The following TTC7B variants were observed in gnomAD, a reference collection of about 807,000 sequenced individuals.
The protein encoded by TTC7B is tetratricopeptide repeat protein 7B.
Under a neutral mutation model 106.8 loss-of-function variants are expected in TTC7B, and 28 were observed. That is an observed-to-expected ratio of 0.26 (90% confidence interval 0.19 to 0.36). The LOEUF is 0.36. TTC7B is among the 10% of genes least tolerant of loss of function. The pLI is 1.00. For synonymous variants in TTC7B, 405 were observed against 430.6 expected, an observed-to-expected ratio of 0.94 and a Z score of 0.74; for missense variants, 862 against 1,076.4, an observed-to-expected ratio of 0.80 and a Z score of 2.79.
chr14:90,731,561 G>A (rs748792504), intron 4 of TTC7B, among the ~76,000 whole-genome samples: 5 of 152,146 alleles, frequency 3.3e-5, no homozygotes, highest in Admixed American at 6.5e-5. Context: ...CATGTGAACC[G>A]GATCCCAGCA....
At chr14:90,780,961 C>A in intron 2 of TTC7B, 55 bp from the exon 3 acceptor site, 1 of 1,544,042 alleles carries the variant, frequency 6.5e-7, no homozygotes, top group Admixed American at 1.7e-5. Context: ...AGGCATGATG[C>A]TCCCTCAGAG....
intron 1 of TTC7B, among the ~76,000 whole-genome samples, chr14:90,814,744 G>A (rs759628655): frequency 1.3e-5 from 2 of 152,102 alleles, no homozygotes; most frequent in Non-Finnish European, 2.9e-5. Flanking sequence ...AGGTGAGCCC[G>A]ACACGGAGGG....
In TTC7B at chr14:90,816,308, G is replaced by T; in HGVS notation, c.-13C>A. On this transcript the variant is annotated 5_prime_UTR_variant, in exon 1 of 20. Transcript: ENST00000328459. The stretch of plus-strand genomic sequence containing the variant: ...TCTTGGTCGCCATCGCGGCCTGGCC[G>T]GGCCCGGCCGCCCGCCCCGCAGGCC... The T allele has an allele frequency of 2.7e-6, 3 of 1,127,448 alleles. No homozygotes were observed. Among genetic ancestry groups the T allele is most frequent in the Admixed American group, 3.1e-5 (1 of 32,190 alleles). 69.8% of individuals were successfully genotyped at this position (1,127,448 alleles called of 1,614,324 possible).
At position 90,744,800 on chromosome 14, in the gene TTC7B, T is replaced by C; in HGVS notation, c.568A>G (p.Ile190Val). ...ACGTGGTCCTCACTTACCCTTTCTA[T>C]CTCTTGGAGATACAGGAGTGCGATG... ...GDIALLYLQE[I>V]ERVILSNIQN... The change falls in exon 4 of 20, where the codon ATA becomes GTA. Residue 190 changes from isoleucine to valine, a missense_variant. Ile to Val is a conservative substitution (Grantham distance 29). Transcript: ENST00000328459. 2 of 1,613,262 alleles carry C rather than the reference T, an allele frequency of 1.2e-6. No individual in the cohort carries two copies. The highest frequency in any genetic ancestry group is 1.7e-6 in the Non-Finnish European group (2 of 1,179,834).
At chr14:90,751,890 C>T (rs1483786242) in intron 3 of TTC7B, among the ~76,000 whole-genome samples, 1 of 152,156 alleles carries the variant, frequency 6.6e-6, no homozygotes, top group Non-Finnish European at 1.5e-5. Flanking sequence ...GTGACTTGCC[C>T]AAGGTCCATG....
At chr14:90,582,925 T>G (rs913485826) in intron 18 of TTC7B, among the ~76,000 whole-genome samples, 1 of 152,254 alleles carries the variant, frequency 6.6e-6, no homozygotes, top group African/African-American at 2.4e-5. Flanking sequence ...AAAGGATTTC[T>G]AAGGTCTCCC....
chr14:90,783,563 T>A lies in TTC7B; in HGVS notation c.276+2611A>T, dbSNP rs1389012843. On this transcript the variant is annotated intron_variant, in intron 2 of 19. Transcript: ENST00000328459. Reference sequence around the variant, plus strand: ...GGCCTGCAGCTGAGAAACATGAAGCTCAGAGAGGTTAAGTAACGTCCCAAG... The same window carrying A: ...GGCCTGCAGCTGAGAAACATGAAGCACAGAGAGGTTAAGTAACGTCCCAAG... Among the ~76,000 whole-genome samples the A allele has an allele frequency of 2.0e-5, 3 of 152,168 alleles. No individual in the cohort carries two copies. The East Asian group carries it at 5.8e-4, about 29-fold the overall frequency.
Position 90,755,417 on chromosome 14 carries a change from G to C in TTC7B, c.446-10495C>G, listed in dbSNP as rs367802834. On this transcript the variant is annotated intron_variant, in intron 3 of 19. Coordinates refer to ENST00000328459, the MANE Select transcript of TTC7B (RefSeq NM_001010854.2). ...AACCCTAGTGTTCTGGGAGGTCAAGGCAAGAGGATTACTTGGGGCCAGGAG... is the reference window on the plus strand; with the variant it reads ...AACCCTAGTGTTCTGGGAGGTCAAGCCAAGAGGATTACTTGGGGCCAGGAG... Among the ~76,000 whole-genome samples the C allele has an allele frequency of 1.1e-4, 17 of 152,276 alleles. No homozygotes were observed. The East Asian group carries it at 2.7e-3, about 24-fold the overall frequency.
At chr14:90,773,681 T>G (rs1288494351) in intron 3 of TTC7B, among the ~76,000 whole-genome samples, 3 of 152,186 alleles carry the variant, frequency 2.0e-5, no homozygotes, top group Admixed American at 1.3e-4. Flanking sequence ...CTTCTGTAAA[T>G]GGGACTAACA....
intron 15 of TTC7B, among the ~76,000 whole-genome samples, chr14:90,626,593 T>G (rs1393632104): frequency 1.3e-5 from 2 of 152,172 alleles, no homozygotes; most frequent in African/African-American, 4.8e-5. Flanking sequence ...GGCTGAGAAC[T>G]CAAATGTCTT....
At chr14:90,786,424 C>G in intron 1 of TTC7B, 96 bp from the exon 2 acceptor site, 11 of 1,467,670 alleles carry the variant, frequency 7.5e-6, no homozygotes, top group Non-Finnish European at 1.0e-5. Context: ...CCCTCCGAGG[C>G]TCCAGGCCCC....
intron 11 of TTC7B, among the ~76,000 whole-genome samples, chr14:90,656,351 C>T (rs1163820198): frequency 6.6e-6 from 1 of 152,144 alleles, no homozygotes; most frequent in African/African-American, 2.4e-5. Context: ...AGAACCCTAT[C>T]GTATGTGGCA....
intron 9 of TTC7B, among the ~76,000 whole-genome samples, chr14:90,659,236 A>T (rs1317724500): frequency 2.1e-4 from 27 of 126,290 alleles, no homozygotes; most frequent in African/African-American, 9.3e-4. Flanking sequence ...TGTGTGAGAG[A>T]GAGAGAGTGT....
intron 14 of TTC7B, chr14:90,644,836 A>C (rs1885363326): frequency 6.6e-6 from 1 of 152,242 alleles, no homozygotes; most frequent in African/African-American, 2.4e-5. Context: ...CTACAACCCA[A>C]AATAAGTTGA....
intron 13 of TTC7B, among the ~76,000 whole-genome samples, chr14:90,651,780 C>T (rs1264828726): frequency 6.6e-6 from 1 of 152,078 alleles, no homozygotes; most frequent in African/African-American, 2.4e-5. Context: ...AGAAATGAGA[C>T]GGAAGAGTTT....
intron 19 of TTC7B, among the ~76,000 whole-genome samples, chr14:90,542,866 G>A (rs889787557): frequency 6.6e-6 from 1 of 152,098 alleles, no homozygotes; most frequent in African/African-American, 2.4e-5. Context: ...CCCCAAACTA[G>A]GGTCTCTGGG....
At chr14:90,792,653 T>C (rs954733573) in intron 1 of TTC7B, among the ~76,000 whole-genome samples, 1 of 152,014 alleles carries the variant, frequency 6.6e-6, no homozygotes, top group Non-Finnish European at 1.5e-5. Context: ...AAGTTTTTCC[T>C]CAGAATTAGG....
intron 3 of TTC7B, among the ~76,000 whole-genome samples, chr14:90,745,785 A>C (rs554909541): frequency 6.6e-6 from 1 of 151,618 alleles, no homozygotes; most frequent in Admixed American, 6.6e-5. Flanking sequence ...GCTCACTGCA[A>C]TGTCCACCTC....
chr14:90,628,144 G>C (rs749645002), intron 15 of TTC7B, among the ~76,000 whole-genome samples: 2 of 152,238 alleles, frequency 1.3e-5, no homozygotes, highest in Non-Finnish European at 2.9e-5. Flanking sequence ...AAAATGAATT[G>C]AACAAGTGCC....
Sources: gnomAD v4.1 joint callset for allele counts (sites outside exome capture counted in the v4.1 genomes callset) on GRCh38, gnomAD v4.1.1 for gene constraint, MANE v1.5 for transcripts, NCBI Gene and HGNC (gene_info 2026-07-23, HGNC 2026-07-21) for gene names.